IPO5: variants seen among roughly 807,000 people sequenced by gnomAD.
The protein encoded by IPO5 is importin 5.
IPO5 carries 18 observed loss-of-function variants against 143.3 expected under a neutral mutation model. The observed-to-expected ratio is 0.13, with a 90% confidence interval of 0.09 to 0.19. IPO5 has a LOEUF of 0.19. Ranked by LOEUF, IPO5 falls within the 10% of genes least tolerant of loss-of-function variation. The pLI is 1.00. For missense variants in IPO5, 1,013 were observed against 1,336.9 expected, an observed-to-expected ratio of 0.76 and a Z score of 3.78; for synonymous variants, 477 against 465.7, an observed-to-expected ratio of 1.02 and a Z score of -0.31.
intron 11 of IPO5, among the ~76,000 whole-genome samples, chr13:97,996,536 G>A (rs763123898): frequency 3.3e-5 from 5 of 152,062 alleles, no homozygotes; most frequent in South Asian, 4.2e-4. Context: ...GTGAAATAAC[G>A]GAGACCTCCA....
chr13:98,022,556 TA>T lies in IPO5; in HGVS notation c.*735del, dbSNP rs1374153397. 3.9e-5 allele frequency: 6 copies of T among 152,392 alleles called. No homozygotes were observed. Among genetic ancestry groups the T allele is most frequent in the South Asian group, 2.1e-4 (1 of 4,830 alleles). 9.4% of individuals were successfully genotyped at this position (152,392 alleles called of 1,614,324 possible). A position where few individuals can be genotyped will look rare whatever the true frequency, so the allele number is the denominator to read the frequency against. ...TGTTTTTAATATAAGAATGATCTAA[TA>T]TTTTTTTAAAGTAATAGCTATCAGT... On this transcript the variant is annotated 3_prime_UTR_variant, in exon 29 of 29. Coordinates refer to ENST00000651721, the MANE Select transcript of IPO5 (RefSeq NM_002271.6).
chr13:97,985,432 G>A lies in IPO5; in HGVS notation c.183G>A (p.Met61Ile). ...TTATCTGTTTATAGGCTAGACAAAT[G>A]GCCGCCGTTCTCCTAAGACGTCTCT... is the stretch of plus-strand genomic sequence containing the variant. Reference protein sequence around the residue: ...NTTAAEEARQMAAVLLRRLLS... With the variant: ...NTTAAEEARQIAAVLLRRLLS... The change falls in exon 6 of 29, where the codon ATG (methionine) becomes ATA (isoleucine). Residue 61 changes from methionine to isoleucine, a missense_variant. Physicochemically the swap from Met to Ile is conservative, Grantham distance 10. Coordinates refer to ENST00000651721, the MANE Select transcript of IPO5 (RefSeq NM_002271.6). The A allele has an allele frequency of 2.5e-6, 4 of 1,613,788 alleles. No homozygotes were observed. The highest frequency in any genetic ancestry group is 3.4e-6 in the Non-Finnish European group (4 of 1,179,724).
intron 2 of IPO5, among the ~76,000 whole-genome samples, chr13:97,960,830 A>T (rs1413625213): frequency 2.6e-5 from 4 of 152,192 alleles, no homozygotes; most frequent in Non-Finnish European, 4.4e-5. Flanking sequence ...AAGTGCTGGG[A>T]TTACAGGCAT....
intron 11 of IPO5, among the ~76,000 whole-genome samples, chr13:97,994,587 T>C (rs1888081712): frequency 6.6e-6 from 1 of 152,202 alleles, no homozygotes; most frequent in Non-Finnish European, 1.5e-5. Flanking sequence ...GAACAAATTA[T>C]CAGTTCTCAA....
At position 98,023,986 on chromosome 13, in the gene IPO5, A is replaced by G. The variant is rs1332756853; in HGVS notation, c.*2164A>G. ...CATGGAGTTTTTTCTTGGCTTTTGT[A>G]CCAAATTTAGGGGTCTTGCATGTCA... On this transcript the variant is annotated 3_prime_UTR_variant, in exon 29 of 29. Coordinates refer to ENST00000651721, the MANE Select transcript of IPO5 (RefSeq NM_002271.6). 6.6e-6 allele frequency: 1 copy of G among 152,148 alleles called. No individual in the cohort carries two copies. The highest frequency in any genetic ancestry group is 1.5e-5 in the Non-Finnish European group (1 of 68,028). 9.4% of individuals were successfully genotyped at this position (152,148 alleles called of 1,614,324 possible).
At position 97,985,438 on chromosome 13, in the gene IPO5, C is replaced by T. The variant is rs768523097; in HGVS notation, c.189C>T (p.Ala63=). The T allele has an allele frequency of 2.5e-6, 4 of 1,613,976 alleles. No individual in the cohort carries two copies. The highest frequency in any genetic ancestry group is 3.4e-6 in the Non-Finnish European group (4 of 1,179,884). Residue 63 remains alanine (A), a synonymous_variant, in exon 6 of 29, where the codon GCC becomes GCT. Coordinates refer to ENST00000651721, the MANE Select transcript of IPO5 (RefSeq NM_002271.6). The stretch of plus-strand genomic sequence containing the variant: ...GTTTATAGGCTAGACAAATGGCCGC[C>T]GTTCTCCTAAGACGTCTCTTGTCCT... ...TAAEEARQMA[A]VLLRRLLSSA...
intron 4 of IPO5, among the ~76,000 whole-genome samples, chr13:97,980,476 C>G (rs184081322): frequency 6.6e-6 from 1 of 152,124 alleles, no homozygotes; most frequent in African/African-American, 2.4e-5. Flanking sequence ...ACAGTTCCGC[C>G]TGGGCAAGAG....
At chr13:98,016,950 G>A (rs997861672) in intron 25 of IPO5, 99 bp downstream of exon 25, 2 of 864,416 alleles carry the variant, frequency 2.3e-6, no homozygotes, top group Admixed American at 5.9e-5. Flanking sequence ...ATGGGTCTCA[G>A]AAATGATTGT....
chr13:98,021,998 G>C lies in IPO5; in HGVS notation c.*176G>C, dbSNP rs986181348. ...TGTGTTGCAGAATGGAGTTTCCATG[G>C]ATTTCTACCAGACCACTGAAGGAGT... On this transcript the variant is annotated 3_prime_UTR_variant, in exon 29 of 29. Coordinates refer to ENST00000651721, the MANE Select transcript of IPO5 (RefSeq NM_002271.6). 1.2e-5 allele frequency: 5 copies of C among 417,634 alleles called. No individual in the cohort carries two copies. The highest frequency in any genetic ancestry group is 3.8e-5 in the Admixed American group (1 of 26,602). 25.9% of individuals were successfully genotyped at this position (417,634 alleles called of 1,614,324 possible).
In IPO5 at chr13:98,002,453, AT is replaced by A; in HGVS notation, c.1109-7del. ...GTGTGTAATTGCTATTCCATCTGTAATTTTTTTCGGTAGCTGACTGGAAATA... is the reference window on the plus strand; with the variant it reads ...GTGTGTAATTGCTATTCCATCTGTAATTTTTTCGGTAGCTGACTGGAAATA... On this transcript the variant is annotated splice_polypyrimidine_tract_variant and intron_variant, in intron 13 of 28. Transcript: ENST00000651721. 1.9e-6 allele frequency: 3 copies of A among 1,612,870 alleles called. No individual in the cohort carries two copies. The highest frequency in any genetic ancestry group is 1.7e-4 in the Middle Eastern group (1 of 6,052).
Position 97,997,038 on chromosome 13 carries a change from C to T in IPO5, c.914-493C>T, listed in dbSNP as rs535496021. On this transcript the variant is annotated intron_variant, in intron 11 of 28. Coordinates refer to ENST00000651721, the MANE Select transcript of IPO5 (RefSeq NM_002271.6). ...TGGAAACAACCAAAATGTTTATCAG[C>T]TAGACAGTGGGTAGTATGTTTATAT... Among the ~76,000 whole-genome samples the T allele has an allele frequency of 3.3e-5, 5 of 152,234 alleles. No homozygotes were observed. In the South Asian group the frequency reaches 1.0e-3, roughly 32 times the overall value.
At chr13:97,970,393 G>A (rs1424632758) in intron 3 of IPO5, among the ~76,000 whole-genome samples, 1 of 152,072 alleles carries the variant, frequency 6.6e-6, no homozygotes, top group East Asian at 1.9e-4. Context: ...GGCCGAGGCG[G>A]GTGGATCACG....
intron 13 of IPO5, 100 bp from the exon 14 acceptor site, chr13:98,002,367 G>C (rs1036049603): frequency 8.3e-7 from 1 of 1,198,076 alleles, no homozygotes; most frequent in African/African-American, 1.5e-5. Flanking sequence ...AAAAAGTTTT[G>C]TTACTCTTTT....
intron 12 of IPO5, 122 bp from the exon 13 acceptor site, chr13:98,000,417 A>G: frequency 1.6e-6 from 1 of 632,646 alleles, no homozygotes; most frequent in East Asian, 2.7e-5. Flanking sequence ...ACATTTAAAG[A>G]CAGCTTGAAT....
intron 3 of IPO5, among the ~76,000 whole-genome samples, chr13:97,975,195 G>T (rs1213651716): frequency 6.9e-6 from 1 of 144,514 alleles, no homozygotes; most frequent in Non-Finnish European, 1.5e-5. Context: ...TTGTAGCTGG[G>T]CGCAGTGGCT....
intron 4 of IPO5, among the ~76,000 whole-genome samples, chr13:97,978,779 A>G (rs372466726): frequency 1.2e-4 from 18 of 152,120 alleles, no homozygotes; most frequent in African/African-American, 4.3e-4. Flanking sequence ...TCTTCTATTG[A>G]ACTAAATACC....
Position 97,989,054 on chromosome 13 carries a change from A to G in IPO5, c.365-8A>G, listed in dbSNP as rs1273374115. 1 of 1,548,162 alleles carries G rather than the reference A, an allele frequency of 6.5e-7. No homozygotes were observed. Among genetic ancestry groups the G allele is most frequent in the East Asian group, 2.2e-5 (1 of 44,492 alleles). On this transcript the variant is annotated splice_region_variant and splice_polypyrimidine_tract_variant and intron_variant, in intron 6 of 28. Coordinates refer to ENST00000651721, the MANE Select transcript of IPO5 (RefSeq NM_002271.6). ...CACAACTTTATGTCTGGATTTCTTT[A>G]CTTTCAGATGAGGATGGCAATAACC... is the stretch of plus-strand genomic sequence containing the variant.
At chr13:98,006,914 G>A (rs1302314482) in intron 17 of IPO5, among the ~76,000 whole-genome samples, 5 of 142,324 alleles carry the variant, frequency 3.5e-5, no homozygotes, top group East Asian at 2.1e-4. Flanking sequence ...CACCCAGGCT[G>A]GAGTGCAGTG....
intron 16 of IPO5, among the ~76,000 whole-genome samples, chr13:98,005,245 T>G (rs1889131127): frequency 6.6e-6 from 1 of 151,700 alleles, no homozygotes; most frequent in South Asian, 2.1e-4. Flanking sequence ...TCAACCCAGC[T>G]GGGATGTAGT....
Sources: gnomAD v4.1 joint callset for allele counts (sites outside exome capture counted in the v4.1 genomes callset) on GRCh38, gnomAD v4.1.1 for gene constraint, MANE v1.5 for transcripts, NCBI Gene and HGNC (gene_info 2026-07-23, HGNC 2026-07-21) for gene names.